The following CAMK2G variants were observed in gnomAD, a reference collection of about 807,000 sequenced individuals.
CAMK2G encodes the protein calcium/calmodulin-dependent protein kinase type II subunit gamma.
Under a neutral mutation model 88.7 loss-of-function variants are expected in CAMK2G, and 23 were observed. That is an observed-to-expected ratio of 0.26 (90% CI 0.19 to 0.37). CAMK2G has a LOEUF of 0.37. CAMK2G is among the 10% of genes least tolerant of loss of function. The pLI is 1.00. For missense variants in CAMK2G, 476 were observed against 780.8 expected (o/e 0.61, Z 4.65); for synonymous variants, 263 against 294.8 (o/e 0.89, Z 1.11).
chr10:73,820,349 C>A (rs1204272797), intron 18 of CAMK2G, among the ~76,000 whole-genome samples: 1 of 151,494 alleles, frequency 6.6e-6, no homozygotes, highest in African/African-American at 2.4e-5. Flanking sequence ...CAGGACATGA[C>A]CAAATGTGGC....
At chr10:73,856,288 G>A (rs993914792) in intron 3 of CAMK2G, among the ~76,000 whole-genome samples, 5 of 152,120 alleles carry the variant, frequency 3.3e-5, no homozygotes, top group South Asian at 2.1e-4. Flanking sequence ...TGGCAGAACC[G>A]GGACTTGAAG....
chr10:73,817,471 C>T lies in CAMK2G; in HGVS notation c.1439+8G>A. On this transcript the variant is annotated splice_region_variant and intron_variant, in intron 20 of 22. Coordinates refer to ENST00000423381, the MANE Select transcript of CAMK2G (RefSeq NM_001367534.1). ...TTAGGTCACAAAAAAAAATGGGTCT[C>T]TACTTACGTGTAGGCCTCAAAGTCC... is the stretch of plus-strand genomic sequence containing the variant. The T allele has an allele frequency of 6.3e-7, 1 of 1,589,648 alleles. No homozygotes were observed. The highest frequency in any genetic ancestry group is 8.6e-7 in the Non-Finnish European group (1 of 1,157,642).
intron 21 of CAMK2G, chr10:73,816,080 G>C: frequency 2.0e-6 from 2 of 985,498 alleles, no homozygotes; most frequent in Non-Finnish European, 2.4e-6. Context: ...CTATAACTCA[G>C]GGCAGGATAG....
At chr10:73,826,756 C>T (rs1355493778) in intron 15 of CAMK2G, among the ~76,000 whole-genome samples, 3 of 152,194 alleles carry the variant, frequency 2.0e-5, no homozygotes, top group African/African-American at 4.8e-5. Flanking sequence ...CTAGGACATA[C>T]ACAGAAAGCA....
intron 15 of CAMK2G, among the ~76,000 whole-genome samples, chr10:73,827,066 T>C (rs1373721453): frequency 6.6e-6 from 1 of 151,994 alleles, no homozygotes; most frequent in East Asian, 1.9e-4. Context: ...TCGGGGTTGG[T>C]TAGAGAGGGC....
Position 73,849,082 on chromosome 10 carries a change from C to G in CAMK2G, c.448G>C (p.Gly150Arg), listed in dbSNP as rs2094447603. 1 of 1,613,954 alleles carries G rather than the reference C, an allele frequency of 6.2e-7. No individual in the cohort carries two copies. The highest frequency in any genetic ancestry group is 1.3e-5 in the African/African-American group (1 of 74,910). The change falls in exon 7 of 23, where the codon GGT (glycine) becomes CGT (arginine). Residue 150 changes from glycine (G) to arginine (R), a missense_variant. Gly to Arg is a moderately radical substitution (Grantham distance 125). Transcript: ENST00000423381. ...ENLLLASKCK[G>R]AAVKLADFGL... ...AAATCAGCCAGCTTGACGGCGGCAC[C>G]CTTGCATTTACTCGCCAGCAGCAGG...
intron 5 of CAMK2G, among the ~76,000 whole-genome samples, chr10:73,852,006 C>G (rs1409120916): frequency 6.6e-6 from 1 of 152,176 alleles, no homozygotes; most frequent in Non-Finnish European, 1.5e-5. Flanking sequence ...CTCAGCCTCC[C>G]AAAGTGCTGG....
chr10:73,856,165 T>C (rs923990853), intron 3 of CAMK2G, among the ~76,000 whole-genome samples: 1 of 152,196 alleles, frequency 6.6e-6, no homozygotes. Context: ...CGTGCATTAC[T>C]GTATTGAACC....
chr10:73,845,311 A>G (rs1490439158), intron 10 of CAMK2G, among the ~76,000 whole-genome samples: 1 of 152,148 alleles, frequency 6.6e-6, no homozygotes, highest in Non-Finnish European at 1.5e-5. Flanking sequence ...GGCCGGGCGC[A>G]GTGGCTCATG....
chr10:73,843,063 A>G (rs538419884), intron 10 of CAMK2G, among the ~76,000 whole-genome samples: 3 of 147,206 alleles, frequency 2.0e-5, no homozygotes, highest in Admixed American at 6.9e-5. Context: ...TCTTTTCATC[A>G]TTCTGGATGT....
chr10:73,874,373 G>T (rs775580635), intron 1 of CAMK2G, 24 bp downstream of exon 1: 3 of 1,466,070 alleles, frequency 2.0e-6, no homozygotes, highest in Non-Finnish European at 2.7e-6. Context: ...GGGCAGGCAG[G>T]GGACCGCGGC....
chr10:73,845,531 C>T (rs540492445), intron 10 of CAMK2G, among the ~76,000 whole-genome samples: 45 of 150,806 alleles, frequency 3.0e-4, no homozygotes, highest in African/African-American at 9.8e-4. Context: ...GCAGTGAGAC[C>T]GCGCCACTGC....
At chr10:73,865,778 T>C (rs2095563604) in intron 2 of CAMK2G, among the ~76,000 whole-genome samples, 1 of 152,108 alleles carries the variant, frequency 6.6e-6, no homozygotes, top group Non-Finnish European at 1.5e-5. Context: ...GAGACACCCC[T>C]CCTTCCAGTA....
intron 5 of CAMK2G, among the ~76,000 whole-genome samples, 181 bp from the exon 6 acceptor site, chr10:73,849,514 G>A (rs2094478128): frequency 6.6e-6 from 1 of 152,160 alleles, no homozygotes. Context: ...TAAAGAAAGA[G>A]GAAACCGAGG....
intron 2 of CAMK2G, among the ~76,000 whole-genome samples, chr10:73,865,392 C>G (rs1171966318): frequency 6.6e-6 from 1 of 152,222 alleles, no homozygotes; most frequent in African/African-American, 2.4e-5. Flanking sequence ...CTGCCATCCA[C>G]AAGCTCTCCT....
At position 73,839,865 on chromosome 10, in the gene CAMK2G, C is replaced by A. The variant is rs143375846; in HGVS notation, c.947-264G>T. 0.011 allele frequency among the ~76,000 whole-genome samples: 1,673 copies of A among 152,308 alleles called. 22 individuals are homozygous for A. The highest frequency in any genetic ancestry group is 0.038 in the African/African-American group (1,560 of 41,568). On this transcript the variant is annotated intron_variant, in intron 12 of 22. Coordinates refer to ENST00000423381, the MANE Select transcript of CAMK2G (RefSeq NM_001367534.1). This position sits in a 1 kb window ranked among gnomAD's most constrained non-coding sequence, Gnocchi z 4.2. ...GAGGGCTGCAGTGCCTGTCTCATGA[C>A]CCCCTCCGGAGGAGGGTCCACAGCG...
intron 17 of CAMK2G, among the ~76,000 whole-genome samples, chr10:73,823,332 C>T (rs2089748909): frequency 6.6e-6 from 1 of 152,196 alleles, no homozygotes; most frequent in Non-Finnish European, 1.5e-5. Context: ...TATCGTGCCT[C>T]AGCCTCCCAA....
intron 14 of CAMK2G, among the ~76,000 whole-genome samples, chr10:73,829,700 G>GGGGTGTGT (rs1265867895): frequency 7.2e-6 from 1 of 138,370 alleles, no homozygotes. Context: ...TAAGTAGTGG[G>GGGGTGTGT]GTGTGTGTGT....
intron 9 of CAMK2G, 129 bp downstream of exon 9, chr10:73,847,859 G>T: frequency 1.6e-6 from 1 of 610,938 alleles, no homozygotes; most frequent in East Asian, 2.6e-5. Flanking sequence ...GCCCATTCCT[G>T]GGTCCTCAAA....
Sources: gnomAD v4.1 joint callset for allele counts (sites outside exome capture counted in the v4.1 genomes callset) on GRCh38, gnomAD v4.1.1 for gene constraint, Gnocchi (gnomAD v3.1) non-coding constraint, MANE v1.5 for transcripts, NCBI Gene and HGNC (gene_info 2026-07-23, HGNC 2026-07-21) for gene names.